The following NRG1 variants were observed in gnomAD, a reference collection of about 807,000 sequenced individuals.
NRG1 encodes the protein pro-neuregulin-1, membrane-bound isoform.
In NRG1, 18 loss-of-function variants were observed where a neutral mutation model predicts 63.8. That is an observed-to-expected ratio of 0.28 (90% CI 0.19 to 0.42). NRG1 has a LOEUF of 0.42. NRG1 is among the 10% of genes least tolerant of loss of function. The pLI is 1.00. For missense variants in NRG1, 762 were observed against 814.7 expected (o/e 0.94, Z 0.79); for synonymous variants, 302 against 301.3 (o/e 1.00, Z -0.02).
intron 1 of NRG1, among the ~76,000 whole-genome samples, chr8:32,198,646 T>C (rs757996983): frequency 6.6e-6 from 1 of 152,340 alleles, no homozygotes; most frequent in East Asian, 1.9e-4. Flanking sequence ...TGCACCTACT[T>C]TCTTCCTGAG....
intron 3 of NRG1, 150 bp downstream of exon 3, chr8:32,605,833 T>C: frequency 1.1e-6 from 1 of 892,286 alleles, no homozygotes; most frequent in East Asian, 2.7e-5. Flanking sequence ...GGATCTTGTA[T>C]GTCTTTCATA....
intron 1 of NRG1, among the ~76,000 whole-genome samples, chr8:32,384,410 C>T (rs1323231546): frequency 6.6e-6 from 1 of 152,186 alleles, no homozygotes; most frequent in Non-Finnish European, 1.5e-5. Flanking sequence ...TGGCTCAGGC[C>T]AGGCCTCACA....
At chr8:31,665,710 TA>T (rs1316263443) in intron 1 of NRG1, among the ~76,000 whole-genome samples, 1 of 152,216 alleles carries the variant, frequency 6.6e-6, no homozygotes, top group Non-Finnish European at 1.5e-5. Flanking sequence ...GCATAGGCTT[TA>T]TTTTTTTTAA....
chr8:32,044,352 T>G (rs1245648182), intron 1 of NRG1, among the ~76,000 whole-genome samples: 1 of 151,938 alleles, frequency 6.6e-6, no homozygotes, highest in East Asian at 1.9e-4. Flanking sequence ...TTCACAATTA[T>G]ACTTTGAAGA....
At chr8:31,819,907 C>T (rs371103383) in intron 1 of NRG1, among the ~76,000 whole-genome samples, 4 of 152,230 alleles carry the variant, frequency 2.6e-5, no homozygotes, top group African/African-American at 7.2e-5. Context: ...CTTTACAGTT[C>T]GACTCATTAT....
intron 1 of NRG1, among the ~76,000 whole-genome samples, chr8:32,579,898 T>G (rs1840336950): frequency 6.6e-6 from 1 of 152,200 alleles, no homozygotes; most frequent in Non-Finnish European, 1.5e-5. Context: ...ATCATTTTCT[T>G]GCCTTTTTCG....
At chr8:32,519,005 A>C (rs1423695423) in intron 1 of NRG1, among the ~76,000 whole-genome samples, 2 of 152,220 alleles carry the variant, frequency 1.3e-5, no homozygotes, top group Non-Finnish European at 2.9e-5. Flanking sequence ...ACTAATGAGT[A>C]GTATGACAAA....
At chr8:31,725,781 CTT>C (rs1456796384) in intron 1 of NRG1, among the ~76,000 whole-genome samples, 1 of 152,048 alleles carries the variant, frequency 6.6e-6, no homozygotes, top group Admixed American at 6.6e-5. Flanking sequence ...TGCCTTAGGA[CTT>C]TGTGTAATGG....
intron 1 of NRG1, among the ~76,000 whole-genome samples, chr8:31,873,214 A>G (rs1341298419): frequency 6.6e-6 from 1 of 152,154 alleles, no homozygotes; most frequent in African/African-American, 2.4e-5. Flanking sequence ...ATAGAGATGG[A>G]GATGGGATTT....
At chr8:31,705,088 T>G (rs1811013828) in intron 1 of NRG1, among the ~76,000 whole-genome samples, 1 of 151,914 alleles carries the variant, frequency 6.6e-6, no homozygotes. Flanking sequence ...CAGGCTGGAG[T>G]GCAGTGGCGC....
chr8:31,851,208 T>C (rs1827180888), intron 1 of NRG1, among the ~76,000 whole-genome samples: 1 of 152,212 alleles, frequency 6.6e-6, no homozygotes, highest in South Asian at 2.1e-4. Context: ...TATTGCTAAT[T>C]AAAAAATGAT....
At chr8:32,238,444 A>AG (rs1847794714) in intron 1 of NRG1, among the ~76,000 whole-genome samples, 1 of 146,740 alleles carries the variant, frequency 6.8e-6, no homozygotes, top group Admixed American at 6.9e-5. Flanking sequence ...TTTCTCAAAA[A>AG]GAAAAAAAAA....
intron 1 of NRG1, among the ~76,000 whole-genome samples, chr8:32,017,190 T>C (rs1337268253): frequency 6.6e-6 from 1 of 152,186 alleles, no homozygotes; most frequent in East Asian, 1.9e-4. Flanking sequence ...AAAAGCCTTA[T>C]CTCTGCATAT....
chr8:32,321,283 T>G (rs967089186), intron 1 of NRG1, among the ~76,000 whole-genome samples: 1 of 152,110 alleles, frequency 6.6e-6, no homozygotes, highest in African/African-American at 2.4e-5. Flanking sequence ...TAACTTGTCT[T>G]ACTCCCAAAT....
At chr8:32,501,309 A>G (rs184001523) in intron 1 of NRG1, among the ~76,000 whole-genome samples, 1 of 152,348 alleles carries the variant, frequency 6.6e-6, no homozygotes, top group Non-Finnish European at 1.5e-5. Context: ...ACAGATTTCT[A>G]GGAATTTTAT....
intron 1 of NRG1, among the ~76,000 whole-genome samples, chr8:32,417,140 A>C (rs1266914513): frequency 6.6e-6 from 1 of 152,168 alleles, no homozygotes; most frequent in East Asian, 1.9e-4. Flanking sequence ...AAACACTATT[A>C]ATATTACTAG....
intron 1 of NRG1, among the ~76,000 whole-genome samples, chr8:31,701,732 T>C (rs1312648717): frequency 1.3e-5 from 2 of 152,056 alleles, no homozygotes; most frequent in African/African-American, 4.8e-5. Flanking sequence ...TTTTCCCATC[T>C]CTCTATTCCA....
chr8:32,148,156 A>G (rs1837102889), intron 1 of NRG1, among the ~76,000 whole-genome samples: 1 of 152,196 alleles, frequency 6.6e-6, no homozygotes, highest in South Asian at 2.1e-4. Flanking sequence ...TAAATCTCAC[A>G]ATAAGCCTAT....
intron 1 of NRG1, among the ~76,000 whole-genome samples, chr8:32,253,376 G>T (rs1175587772): frequency 6.6e-6 from 1 of 152,116 alleles, no homozygotes; most frequent in Non-Finnish European, 1.5e-5. Flanking sequence ...TCAATAGGTA[G>T]TTTATTGAGA....
Sources: gnomAD v4.1 joint callset for allele counts (sites outside exome capture counted in the v4.1 genomes callset) on GRCh38, gnomAD v4.1.1 for gene constraint, MANE v1.5 for transcripts, NCBI Gene and HGNC (gene_info 2026-07-23, HGNC 2026-07-21) for gene names.